FRMD4A: variants seen among roughly 807,000 people sequenced by gnomAD.
FRMD4A encodes the protein FERM domain containing 4A.
FRMD4A carries 29 observed loss-of-function variants against 129.1 expected under a neutral mutation model. The observed-to-expected ratio is 0.22, with a 90% CI of 0.17 to 0.31. The LOEUF (loss-of-function observed/expected upper bound fraction) is 0.31, where lower values mean the gene tolerates loss of function less well. Among genes scored for constraint, FRMD4A ranks in the 10% least tolerant of loss-of-function variants. The pLI is 1.00. For synonymous variants in FRMD4A, 634 were observed against 571.6 expected (o/e 1.11, Z -1.56); for missense variants, 1,272 against 1,375.8 (o/e 0.92, Z 1.19).
At chr10:13,826,258 T>C (rs1419539088) in intron 3 of FRMD4A, among the ~76,000 whole-genome samples, 1 of 152,176 alleles carries the variant, frequency 6.6e-6, no homozygotes, top group East Asian at 1.9e-4. Flanking sequence ...AGAATCTAAA[T>C]ACCCTTCAGG....
At chr10:14,071,503 C>T (rs1205850718) in intron 2 of FRMD4A, among the ~76,000 whole-genome samples, 2 of 152,004 alleles carry the variant, frequency 1.3e-5, no homozygotes, top group African/African-American at 4.8e-5. Flanking sequence ...GTAAATGACT[C>T]AGTAATTTTC....
intron 2 of FRMD4A, among the ~76,000 whole-genome samples, chr10:14,185,724 G>C (rs879657872): frequency 6.6e-6 from 1 of 152,184 alleles, no homozygotes; most frequent in African/African-American, 2.4e-5. Context: ...TAGTTCTAGA[G>C]AGAAGGGATG....
At chr10:14,035,322 G>A (rs1833446028) in intron 2 of FRMD4A, among the ~76,000 whole-genome samples, 1 of 151,828 alleles carries the variant, frequency 6.6e-6, no homozygotes, top group Non-Finnish European at 1.5e-5. Flanking sequence ...TGAGGCGGGA[G>A]GACTGCATGA....
Position 13,646,337 on chromosome 10 carries a change from A to ATCTT in FRMD4A, c.*697_*700dup, listed in dbSNP as rs1398474882. ...TTTTTTATGTTTTTATTTATTTTTA[A>ATCTT]TCTTTGGCAGCATAGAACTGATTGT... is the stretch of plus-strand genomic sequence containing the variant. On this transcript the variant is annotated 3_prime_UTR_variant, in exon 25 of 25. Transcript: ENST00000357447. 6.6e-6 allele frequency: 1 copy of ATCTT among 152,546 alleles called. No individual in the cohort carries two copies. Among genetic ancestry groups the ATCTT allele is most frequent in the Non-Finnish European group, 1.5e-5 (1 of 68,010 alleles). The allele number at this position is 152,546 out of a possible 1,614,324, so 9.4% of individuals were successfully genotyped here.
chr10:14,081,986 C>T (rs2126171), intron 2 of FRMD4A, among the ~76,000 whole-genome samples: 1,773 of 152,334 alleles, frequency 0.012, 17 homozygotes, highest in East Asian at 0.045. Flanking sequence ...CAGTGGCTCA[C>T]GCCTGTAATC....
At chr10:13,871,887 G>A (rs568690369) in intron 2 of FRMD4A, among the ~76,000 whole-genome samples, 2 of 152,344 alleles carry the variant, frequency 1.3e-5, no homozygotes, top group South Asian at 2.1e-4. Flanking sequence ...CCACACCGCC[G>A]GGGCTTACGG....
At chr10:14,276,252 C>T (rs1845337066) in intron 2 of FRMD4A, among the ~76,000 whole-genome samples, 1 of 152,164 alleles carries the variant, frequency 6.6e-6, no homozygotes, top group African/African-American at 2.4e-5. Context: ...GCCTGTGACA[C>T]TGGCCATGAA....
At chr10:14,137,639 T>C (rs927650073) in intron 2 of FRMD4A, among the ~76,000 whole-genome samples, 3 of 152,172 alleles carry the variant, frequency 2.0e-5, no homozygotes, top group Non-Finnish European at 2.9e-5. Context: ...TCTTGGTGAA[T>C]GTAAACACCT....
intron 3 of FRMD4A, among the ~76,000 whole-genome samples, chr10:13,825,604 A>T (rs1285546306): frequency 6.6e-6 from 1 of 152,194 alleles, no homozygotes; most frequent in Non-Finnish European, 1.5e-5. Context: ...ACTGTCTTCC[A>T]TGAAACTGGT....
At chr10:13,988,062 A>G (rs1272863518) in intron 2 of FRMD4A, among the ~76,000 whole-genome samples, 1 of 152,230 alleles carries the variant, frequency 6.6e-6, no homozygotes, top group Non-Finnish European at 1.5e-5. Flanking sequence ...CTGATCAGAC[A>G]GTAGGCAAAA....
intron 2 of FRMD4A, among the ~76,000 whole-genome samples, chr10:14,102,826 C>G (rs922632164): frequency 1.3e-5 from 2 of 151,414 alleles, no homozygotes; most frequent in Admixed American, 1.3e-4. Context: ...TGGGAGTTCT[C>G]ATTTTGGCAT....
chr10:13,847,726 C>A (rs895711271), intron 3 of FRMD4A, among the ~76,000 whole-genome samples: 2 of 152,188 alleles, frequency 1.3e-5, no homozygotes, highest in African/African-American at 4.8e-5. Flanking sequence ...TTTTAGGAAA[C>A]GGAAGAACCA....
At chr10:14,192,231 C>A (rs1038611442) in intron 2 of FRMD4A, among the ~76,000 whole-genome samples, 2 of 152,082 alleles carry the variant, frequency 1.3e-5, no homozygotes, top group Admixed American at 6.6e-5. Flanking sequence ...CCACTTTTTT[C>A]TTTGTAAGAA....
intron 15 of FRMD4A, among the ~76,000 whole-genome samples, chr10:13,680,871 C>T (rs1428578213): frequency 2.0e-5 from 3 of 152,030 alleles, no homozygotes; most frequent in East Asian, 1.9e-4. Flanking sequence ...TAGTGAGACC[C>T]CTGCTCTACT....
At chr10:13,760,377 G>A (rs964935673) in intron 8 of FRMD4A, among the ~76,000 whole-genome samples, 11 of 152,080 alleles carry the variant, frequency 7.2e-5, no homozygotes, top group East Asian at 3.9e-4. Context: ...TAATTAGCCC[G>A]GTGCAGTGAC....
rs113854497 is a variant in FRMD4A at position 13,886,895 on chromosome 10, C to T, written c.46-27983G>A. On this transcript the variant is annotated intron_variant, in intron 2 of 24. Coordinates refer to ENST00000357447, the MANE Select transcript of FRMD4A (RefSeq NM_018027.5). The stretch of plus-strand genomic sequence containing the variant: ...AGTGAGTGTATGCAAGCAAAACATA[C>T]GCAGTAGCCACGGATTGGCAAATAA... Among the ~76,000 whole-genome samples, 654 of 152,312 alleles carry T rather than the reference C, an allele frequency of 4.3e-3. 5 individuals are homozygous for T. The highest frequency in any genetic ancestry group is 0.015 in the African/African-American group (623 of 41,566).
chr10:13,795,840 G>A (rs974712363), intron 5 of FRMD4A, among the ~76,000 whole-genome samples: 5 of 152,132 alleles, frequency 3.3e-5, no homozygotes, highest in African/African-American at 1.2e-4. Context: ...TTTTGCAAAC[G>A]GAAGTGGTAA....
intron 2 of FRMD4A, among the ~76,000 whole-genome samples, chr10:14,213,030 A>G (rs1443762222): frequency 6.6e-6 from 1 of 152,164 alleles, no homozygotes; most frequent in Non-Finnish European, 1.5e-5. Context: ...TGAGGCCAGG[A>G]GTTTGAAACC....
intron 4 of FRMD4A, among the ~76,000 whole-genome samples, chr10:13,809,966 C>T (rs2093418560): frequency 6.6e-6 from 1 of 152,206 alleles, no homozygotes; most frequent in Non-Finnish European, 1.5e-5. Context: ...AGTGGCACCA[C>T]CTGATTCCCA....
Sources: allele counts gnomAD v4.1 joint callset (sites outside exome capture counted in the v4.1 genomes callset), GRCh38; gene constraint gnomAD v4.1.1; transcripts MANE v1.5; gene names NCBI Gene and HGNC (gene_info 2026-07-23, HGNC 2026-07-21).